Variants in NCAM1 observed in about 807,000 individuals in gnomAD.
NCAM1 encodes the protein neural cell adhesion molecule 1.
Under a neutral mutation model 109.8 loss-of-function variants are expected in NCAM1, and 14 were observed. That is an observed-to-expected ratio of 0.13 (90% CI 0.08 to 0.20). NCAM1 has a LOEUF of 0.20. Among genes scored for constraint, NCAM1 ranks in the 10% least tolerant of loss-of-function variants. The probability of loss-of-function intolerance (pLI) is 1.00; values close to 1 mark genes in which losing one functional copy is unlikely to be tolerated. For synonymous variants in NCAM1, 418 were observed against 442.9 expected, an observed-to-expected ratio of 0.94 and a Z score of 0.70; for missense variants, 774 against 1,109.9, an observed-to-expected ratio of 0.70 and a Z score of 4.30.
At chr11:112,977,557 A>G (rs947599190) in intron 1 of NCAM1, 1 of 151,896 alleles carries the variant, frequency 6.6e-6, no homozygotes, top group Non-Finnish European at 1.5e-5. Flanking sequence ...GTCTTGTCCC[A>G]TATAAATGAG....
chr11:113,052,788 T>C (rs1365988563), intron 1 of NCAM1, among the ~76,000 whole-genome samples: 1 of 152,190 alleles, frequency 6.6e-6, no homozygotes, highest in Non-Finnish European at 1.5e-5. Context: ...ACCTATCAAC[T>C]CATCGCCTAG....
intron 17 of NCAM1, chr11:113,262,910 T>C (rs1946049506): frequency 6.2e-7 from 1 of 1,613,778 alleles, no homozygotes; most frequent in Non-Finnish European, 8.5e-7. Context: ...CAGTGACTCT[T>C]CTTTTGCTCT....
chr11:113,024,233 C>A (rs1352675413), intron 1 of NCAM1, among the ~76,000 whole-genome samples: 1 of 152,172 alleles, frequency 6.6e-6, no homozygotes, highest in Non-Finnish European at 1.5e-5. Context: ...GGAAGGTCTG[C>A]GGTGATGTGT....
chr11:113,276,162 A>G lies in NCAM1; in HGVS notation c.*775A>G, dbSNP rs1309960819. ...GGTTGTGTTTAAATGTCCGTGTAAA[A>G]TAGCTGCCTTTTATTTTTTAAGGTA... On this transcript the variant is annotated 3_prime_UTR_variant, in exon 20 of 20. Transcript: ENST00000316851. 1 of 152,542 alleles carries G rather than the reference A, an allele frequency of 6.6e-6. No homozygotes were observed. 9.4% of individuals were successfully genotyped at this position (152,542 alleles called of 1,614,324 possible). A position where few individuals can be genotyped will look rare whatever the true frequency, so the allele number is the denominator to read the frequency against.
intron 15 of NCAM1, among the ~76,000 whole-genome samples, chr11:113,252,799 CTTTTTTTTTTTTTTTTTT>C (rs33948720): frequency 7.6e-5 from 3 of 39,706 alleles, no homozygotes; most frequent in African/African-American, 2.9e-4. Flanking sequence ...CTATGCCCAG[CTTTTTTTTTTTTTTTTTT>C]TTTTTTTTTT....
chr11:113,134,264 C>G (rs1483704288), intron 1 of NCAM1, among the ~76,000 whole-genome samples: 1 of 152,160 alleles, frequency 6.6e-6, no homozygotes, highest in Non-Finnish European at 1.5e-5. Flanking sequence ...CATTATTTTA[C>G]GTAGCATAAT....
intron 1 of NCAM1, among the ~76,000 whole-genome samples, chr11:113,167,898 T>G (rs539065327): frequency 6.6e-6 from 1 of 152,274 alleles, no homozygotes; most frequent in South Asian, 2.1e-4. Context: ...TGTTGTTGTT[T>G]TTGTCCGACA....
At chr11:112,965,428 A>C (rs1481947174) in intron 1 of NCAM1, among the ~76,000 whole-genome samples, 3 of 120,664 alleles carry the variant, frequency 2.5e-5, no homozygotes, top group Non-Finnish European at 1.9e-5. Context: ...TTCCTCAGAT[A>C]GGTAATATGT....
chr11:113,122,750 C>T (rs1423019208), intron 1 of NCAM1, among the ~76,000 whole-genome samples: 1 of 152,202 alleles, frequency 6.6e-6, no homozygotes, highest in Non-Finnish European at 1.5e-5. Flanking sequence ...CACCGTTGCA[C>T]TCCAGCCTGG....
chr11:113,085,675 C>T (rs782747204), intron 1 of NCAM1, among the ~76,000 whole-genome samples: 9 of 152,118 alleles, frequency 5.9e-5, no homozygotes, highest in Non-Finnish European at 8.8e-5. Flanking sequence ...CCACAGGCTT[C>T]GGTTTATGTG....
intron 1 of NCAM1, among the ~76,000 whole-genome samples, chr11:113,004,392 C>T (rs1327538659): frequency 6.6e-6 from 1 of 152,038 alleles, no homozygotes; most frequent in East Asian, 1.9e-4. Context: ...ACTCGGGAGG[C>T]TGAGGCAGAG....
At chr11:113,052,447 C>G (rs955823033) in intron 1 of NCAM1, among the ~76,000 whole-genome samples, 1 of 152,100 alleles carries the variant, frequency 6.6e-6, no homozygotes, top group Non-Finnish European at 1.5e-5. Flanking sequence ...AGTCCCTCCC[C>G]ACCCCCGCAC....
At chr11:113,215,652 A>G (rs1027240789) in intron 8 of NCAM1, among the ~76,000 whole-genome samples, 1 of 152,220 alleles carries the variant, frequency 6.6e-6, no homozygotes, top group African/African-American at 2.4e-5. Flanking sequence ...CAAATAACCT[A>G]TTATTTTTTG....
intron 1 of NCAM1, among the ~76,000 whole-genome samples, chr11:113,152,760 G>T (rs868944054): frequency 1.2e-4 from 18 of 152,340 alleles, no homozygotes; most frequent in Middle Eastern, 3.4e-3. Context: ...CAAGGATCAT[G>T]AAAGGAAACA....
At chr11:113,225,761 G>C (rs538618249) in intron 9 of NCAM1, among the ~76,000 whole-genome samples, 1 of 152,342 alleles carries the variant, frequency 6.6e-6, no homozygotes, top group Admixed American at 6.5e-5. Flanking sequence ...AGCCAGAAGA[G>C]AGTGGGGGCC....
chr11:113,096,492 G>A (rs1398637968), intron 1 of NCAM1, among the ~76,000 whole-genome samples: 2 of 151,970 alleles, frequency 1.3e-5, no homozygotes, highest in Non-Finnish European at 2.9e-5. Flanking sequence ...GCGGACAGTG[G>A]GTTTGAAATG....
At chr11:112,965,350 CTG>C (rs1374720008) in intron 1 of NCAM1, among the ~76,000 whole-genome samples, 1 of 152,074 alleles carries the variant, frequency 6.6e-6, no homozygotes, top group Non-Finnish European at 1.5e-5. Context: ...AGAAATTAGT[CTG>C]TAGCACCCCC....
intron 1 of NCAM1, among the ~76,000 whole-genome samples, chr11:112,969,256 G>GA (rs1244617790): frequency 2.6e-5 from 4 of 151,314 alleles, no homozygotes; most frequent in Admixed American, 2.0e-4. Context: ...GAGATAAGGA[G>GA]AAAAAAAAAT....
intron 1 of NCAM1, among the ~76,000 whole-genome samples, chr11:113,165,964 C>T (rs531821906): frequency 6.6e-5 from 10 of 151,972 alleles, no homozygotes; most frequent in South Asian, 2.1e-4. Context: ...GGACTACAGG[C>T]GCCTACCACC....
Sources: gnomAD v4.1 joint callset for allele counts (sites outside exome capture counted in the v4.1 genomes callset) on GRCh38, gnomAD v4.1.1 for gene constraint, MANE v1.5 for transcripts, NCBI Gene and HGNC (gene_info 2026-07-23, HGNC 2026-07-21) for gene names.